KIF16B: variants seen among roughly 807,000 people sequenced by gnomAD.
The protein encoded by KIF16B is kinesin-like protein KIF16B.
A neutral mutation model predicts 156.3 loss-of-function variants in KIF16B; 98 were observed. That is an observed-to-expected ratio of 0.63 (90% CI 0.53 to 0.74). The LOEUF is 0.74. Among genes scored for constraint, KIF16B ranks in the 30% least tolerant of loss-of-function variants. The pLI, the probability that KIF16B is intolerant of heterozygous loss-of-function variation, is 0.00. For synonymous variants in KIF16B, 564 were observed against 583.7 expected, an observed-to-expected ratio of 0.97 and a Z score of 0.49; for missense variants, 1,421 against 1,606.5, an observed-to-expected ratio of 0.88 and a Z score of 1.97.
At chr20:16,448,635 A>T (rs2146583175) in intron 12 of KIF16B, among the ~76,000 whole-genome samples, 1 of 152,316 alleles carries the variant, frequency 6.6e-6, no homozygotes, top group East Asian at 1.9e-4. Context: ...ACAAACATCA[A>T]CCAACATCAA....
chr20:16,478,664 G>A (rs6044001), intron 12 of KIF16B, among the ~76,000 whole-genome samples: 46,413 of 151,958 alleles, frequency 0.31, 9,045 homozygotes, highest in African/African-American at 0.55. Flanking sequence ...ATCAACAGGT[G>A]TACCATTTGT....
intron 25 of KIF16B, among the ~76,000 whole-genome samples, chr20:16,304,112 CTGT>C (rs1568832894): frequency 6.6e-6 from 1 of 152,176 alleles, no homozygotes; most frequent in African/African-American, 2.4e-5. Flanking sequence ...CAGAGTACAA[CTGT>C]TTGATGACAT....
intron 17 of KIF16B, among the ~76,000 whole-genome samples, chr20:16,382,724 T>C (rs1299708702): frequency 6.6e-6 from 1 of 151,932 alleles, no homozygotes; most frequent in Non-Finnish European, 1.5e-5. Context: ...GGGATCGGAG[T>C]TGGGTCAGAC....
chr20:16,520,121 CA>C (rs1473103338), intron 3 of KIF16B, among the ~76,000 whole-genome samples: 2 of 145,114 alleles, frequency 1.4e-5, no homozygotes, highest in Admixed American at 1.4e-4. Flanking sequence ...GAGCTAGCTG[CA>C]GGAGTTTTTT....
At chr20:16,366,898 A>C (rs904440560) in intron 22 of KIF16B, 20 of 1,204,860 alleles carry the variant, frequency 1.7e-5, no homozygotes, top group Middle Eastern at 6.7e-4. Flanking sequence ...ACAAATTTAC[A>C]AGCCTGAGTT....
At chr20:16,349,234 G>T (rs1372761638) in intron 23 of KIF16B, among the ~76,000 whole-genome samples, 2 of 152,232 alleles carry the variant, frequency 1.3e-5, no homozygotes, top group Non-Finnish European at 2.9e-5. Context: ...TTGTGACCAG[G>T]GGTCAGATAG....
chr20:16,326,753 A>G (rs2063857567), intron 24 of KIF16B, among the ~76,000 whole-genome samples: 1 of 152,096 alleles, frequency 6.6e-6, no homozygotes, highest in South Asian at 2.1e-4. Flanking sequence ...ACCACTATAG[A>G]AAACAGTATG....
At chr20:16,286,991 G>C (rs905777178) in intron 25 of KIF16B, among the ~76,000 whole-genome samples, 5 of 152,188 alleles carry the variant, frequency 3.3e-5, no homozygotes, top group African/African-American at 1.2e-4. Flanking sequence ...GGCGTGTCTT[G>C]ATACCACCTG....
At chr20:16,282,970 C>A (rs34914952) in intron 25 of KIF16B, among the ~76,000 whole-genome samples, 8,059 of 152,216 alleles carry the variant, frequency 0.053, 269 homozygotes, top group African/African-American at 0.1. Flanking sequence ...CTACCACTTG[C>A]CCGAAGGTAC....
At chr20:16,549,534 A>C (rs1377455642) in intron 1 of KIF16B, among the ~76,000 whole-genome samples, 1 of 152,120 alleles carries the variant, frequency 6.6e-6, no homozygotes, top group Non-Finnish European at 1.5e-5. Flanking sequence ...AGCATGATTT[A>C]TAGTCCTTTG....
chr20:16,316,091 T>C (rs919372990), intron 24 of KIF16B, among the ~76,000 whole-genome samples: 4 of 152,206 alleles, frequency 2.6e-5, no homozygotes, highest in African/African-American at 9.6e-5. Flanking sequence ...GGCCTTGCTA[T>C]CTATAAGCTC....
intron 17 of KIF16B, among the ~76,000 whole-genome samples, chr20:16,387,187 T>C (rs11906441): frequency 0.045 from 6,902 of 152,198 alleles, 530 homozygotes; most frequent in African/African-American, 0.16. Flanking sequence ...TCAGGAACAT[T>C]ATTTGTAATA....
intron 1 of KIF16B, among the ~76,000 whole-genome samples, chr20:16,531,097 A>G (rs2069730463): frequency 6.6e-6 from 1 of 152,196 alleles, no homozygotes; most frequent in Admixed American, 6.5e-5. Flanking sequence ...TCAGGAACCA[A>G]CCTGCATAAG....
intron 23 of KIF16B, among the ~76,000 whole-genome samples, chr20:16,342,747 C>G (rs1307112308): frequency 6.6e-6 from 1 of 152,212 alleles, no homozygotes; most frequent in East Asian, 1.9e-4. Context: ...TTATATAACA[C>G]ATTTGAATAT....
In KIF16B at chr20:16,380,064, G is replaced by C. The variant is rs749576471; in HGVS notation, c.1938C>G (p.Ile646Met). The C allele has an allele frequency of 1.2e-5, 18 of 1,555,916 alleles. No individual in the cohort carries two copies. The highest frequency in any genetic ancestry group is 4.0e-5 in the Admixed American group (2 of 49,808). Reference protein sequence around the residue: ...EVETQRKETEIVQLQIRKQEE... With the variant: ...EVETQRKETEMVQLQIRKQEE... ...CCTGCTTGCGAATCTGGAGCTGCAC[G>C]ATTTCTGTCTCCTTGCGCTGGGTCT... The change falls in exon 19 of 26, where the codon ATC (isoleucine) becomes ATG (methionine). Residue 646 changes from isoleucine to methionine, a missense_variant. Ile to Met is a conservative substitution (Grantham distance 10). Coordinates refer to ENST00000354981, the MANE Select transcript of KIF16B (RefSeq NM_024704.5).
In KIF16B at chr20:16,386,646, G is replaced by A. The variant is rs77788742; in HGVS notation, c.1785-4899C>T. ...TGTATCAACAAGCAGGAGACAGAGAGATTGAGTGAAAAAATGGGAAGAGGC... is the reference window on the plus strand; with the variant it reads ...TGTATCAACAAGCAGGAGACAGAGAAATTGAGTGAAAAAATGGGAAGAGGC... On this transcript the variant is annotated intron_variant, in intron 17 of 25. Coordinates refer to ENST00000354981, the MANE Select transcript of KIF16B (RefSeq NM_024704.5). Among the ~76,000 whole-genome samples, 341 of 151,870 alleles carry A rather than the reference G, an allele frequency of 2.2e-3. 2 individuals carry two copies. Among genetic ancestry groups the A allele is most frequent in the African/African-American group, 7.9e-3 (326 of 41,438 alleles).
chr20:16,385,910 C>A (rs2328023), intron 17 of KIF16B, among the ~76,000 whole-genome samples: 93,245 of 152,096 alleles, frequency 0.61, 29,295 homozygotes, highest in East Asian at 0.96. Context: ...TAGTAACTGG[C>A]AGAATCAGGT....
chr20:16,549,035 TCG>T (rs1402990393), intron 1 of KIF16B, among the ~76,000 whole-genome samples: 3 of 149,580 alleles, frequency 2.0e-5, no homozygotes, highest in African/African-American at 4.9e-5. Context: ...TGTTTTTTTT[TCG>T]TTAGTTTTTT....
In KIF16B at chr20:16,451,974, T is replaced by C. The variant is rs574325202; in HGVS notation, c.1303-21992A>G. Reference sequence around the variant, plus strand: ...TGGAAGAGTAACTAGAACCTCTTTATGTTTACTCAAATAACATGAGTAAGT... The same window carrying C: ...TGGAAGAGTAACTAGAACCTCTTTACGTTTACTCAAATAACATGAGTAAGT... On this transcript the variant is annotated intron_variant, in intron 12 of 25. Coordinates refer to ENST00000354981, the MANE Select transcript of KIF16B (RefSeq NM_024704.5). Among the ~76,000 whole-genome samples, 5 of 152,144 alleles carry C rather than the reference T, an allele frequency of 3.3e-5. No homozygotes were observed. In the South Asian group the frequency reaches 8.3e-4, roughly 25 times the overall value.
Sources: allele counts gnomAD v4.1 joint callset (sites outside exome capture counted in the v4.1 genomes callset), GRCh38; gene constraint gnomAD v4.1.1; transcripts MANE v1.5; gene names NCBI Gene and HGNC (gene_info 2026-07-23, HGNC 2026-07-21).